Variants in CREB5 observed in about 807,000 individuals in gnomAD.
CREB5 encodes cyclic AMP-responsive element-binding protein 5.
A neutral mutation model predicts 57.1 loss-of-function variants in CREB5; 19 were observed. The ratio of observed to expected loss-of-function variants is 0.33; its 90% CI spans 0.23 to 0.49. The LOEUF (loss-of-function observed/expected upper bound fraction) is 0.49, where lower values mean the gene tolerates loss of function less well. CREB5 is among the 20% of genes least tolerant of loss of function. CREB5 has a pLI of 0.99. For synonymous variants in CREB5, 238 were observed against 238.3 expected (o/e 1.00, Z 0.01); for missense variants, 579 against 671.6 (o/e 0.86, Z 1.52).
chr7:28,751,886 A>G (rs1346483909), intron 7 of CREB5, among the ~76,000 whole-genome samples: 3 of 152,094 alleles, frequency 2.0e-5, no homozygotes, highest in Admixed American at 1.3e-4. Flanking sequence ...ACGATTTCTC[A>G]GTCTTCCTTT....
chr7:28,606,590 T>C (rs1797139592), intron 5 of CREB5, among the ~76,000 whole-genome samples: 1 of 152,228 alleles, frequency 6.6e-6, no homozygotes, highest in Non-Finnish European at 1.5e-5. Context: ...AACTGATTCC[T>C]ACTTAGCCCC....
chr7:28,491,492 A>G (rs1791808207), intron 2 of CREB5, among the ~76,000 whole-genome samples: 1 of 152,168 alleles, frequency 6.6e-6, no homozygotes, highest in Admixed American at 6.5e-5. Context: ...GAGAAGGCTG[A>G]ATGGACTGAG....
chr7:28,602,366 A>G (rs758217017), intron 5 of CREB5, among the ~76,000 whole-genome samples: 96 of 152,262 alleles, frequency 6.3e-4, no homozygotes, highest in Non-Finnish European at 6.0e-4. Context: ...ACCTCAGGTG[A>G]TCTGTCCACC....
chr7:28,421,444 G>A (rs1182716715), intron 1 of CREB5, among the ~76,000 whole-genome samples: 1 of 152,034 alleles, frequency 6.6e-6, no homozygotes, highest in East Asian at 1.9e-4. Flanking sequence ...TTCTTTAATG[G>A]TGATTTGTGA....
intron 1 of CREB5, among the ~76,000 whole-genome samples, chr7:28,377,400 A>C (rs1786854899): frequency 6.6e-6 from 1 of 152,042 alleles, no homozygotes; most frequent in Non-Finnish European, 1.5e-5. Context: ...TATTATTAAA[A>C]TTAATTTCAT....
chr7:28,770,380 C>A (rs1055240814), intron 7 of CREB5, among the ~76,000 whole-genome samples: 6 of 151,680 alleles, frequency 4.0e-5, no homozygotes, highest in Non-Finnish European at 7.4e-5. Flanking sequence ...AGAGAAACAA[C>A]AAAACCCAGA....
At chr7:28,789,700 A>C (rs1807550751) in intron 7 of CREB5, among the ~76,000 whole-genome samples, 4 of 152,194 alleles carry the variant, frequency 2.6e-5, no homozygotes, top group Admixed American at 2.6e-4. Context: ...ATTAGGATTC[A>C]AAGAGAAGTG....
intron 7 of CREB5, among the ~76,000 whole-genome samples, chr7:28,787,132 T>C (rs1807376231): frequency 6.6e-6 from 1 of 152,038 alleles, no homozygotes; most frequent in African/African-American, 2.4e-5. Context: ...ACAGCACCTG[T>C]CCCCAGCTGA....
intron 1 of CREB5, among the ~76,000 whole-genome samples, chr7:28,335,537 A>G (rs1785807529): frequency 6.6e-6 from 1 of 152,054 alleles, no homozygotes; most frequent in South Asian, 2.1e-4. Flanking sequence ...TAAGTTTTGT[A>G]CATTGATTTT....
In CREB5 at chr7:28,674,568, C is replaced by T. The variant is rs143390984; in HGVS notation, c.465-44185C>T. Among the ~76,000 whole-genome samples, 30 of 152,288 alleles carry T rather than the reference C, an allele frequency of 2.0e-4. No individual in the cohort carries two copies. In the East Asian group the frequency reaches 4.4e-3, roughly 23 times the overall value. On this transcript the variant is annotated intron_variant, in intron 5 of 10. Coordinates refer to ENST00000357727, the MANE Select transcript of CREB5 (RefSeq NM_182898.4). ...ATTGATTCCCATTGGATGTCTTCAGCGCAGACCAACCTGCTGAGCTCAGAT... is the reference window on the plus strand; with the variant it reads ...ATTGATTCCCATTGGATGTCTTCAGTGCAGACCAACCTGCTGAGCTCAGAT...
chr7:28,494,568 A>G (rs1448994601), intron 2 of CREB5, among the ~76,000 whole-genome samples: 1 of 152,218 alleles, frequency 6.6e-6, no homozygotes, highest in Non-Finnish European at 1.5e-5. Context: ...AAAAGTTCCC[A>G]GGGAAGGTAT....
rs1345805740 is a variant in CREB5 at position 28,560,817 on chromosome 7, T to TGC, written c.292-9547_292-9546insCG. 9.2e-4 allele frequency among the ~76,000 whole-genome samples: 87 copies of TGC among 94,734 alleles called. 10 individuals are homozygous for TGC. Among genetic ancestry groups the TGC allele is most frequent in the Non-Finnish European group, 1.8e-3 (79 of 43,072 alleles). The allele number at this position is 94,734 out of a possible 152,430, so 62.1% of individuals were successfully genotyped here. A position where few individuals can be genotyped will look rare whatever the true frequency, so the allele number is the denominator to read the frequency against. On this transcript the variant is annotated intron_variant, in intron 4 of 10. Transcript: ENST00000357727. ...TCCACAGTGTGTGTGCGCGTGTGTG[T>TGC]GTGTGCGCGCGCGCGCGTGTGTGTG...
intron 5 of CREB5, among the ~76,000 whole-genome samples, chr7:28,685,406 G>A (rs968764975): frequency 2.0e-5 from 3 of 152,130 alleles, no homozygotes; most frequent in South Asian, 4.1e-4. Context: ...TTTTGCCCTC[G>A]CTGACAGGGA....
At chr7:28,560,901 C>CGTGCGCGCGCGTGCGT (rs1368518820) in intron 4 of CREB5, among the ~76,000 whole-genome samples, 3 of 21,650 alleles carry the variant, frequency 1.4e-4, no homozygotes, top group Non-Finnish European at 2.8e-4. Context: ...TGTGTGCGTG[C>CGTGCGCGCGCGTGCGT]GCGCGTGCGT....
At chr7:28,662,241 T>G (rs561443236) in intron 5 of CREB5, among the ~76,000 whole-genome samples, 2 of 152,188 alleles carry the variant, frequency 1.3e-5, no homozygotes, top group Non-Finnish European at 2.9e-5. Flanking sequence ...CCAGCCTTGA[T>G]TTAAAAGGTG....
At chr7:28,716,809 T>C (rs1802714444) in intron 5 of CREB5, among the ~76,000 whole-genome samples, 1 of 152,148 alleles carries the variant, frequency 6.6e-6, no homozygotes, top group South Asian at 2.1e-4. Flanking sequence ...GCCATGGTAT[T>C]TTGGATCAAT....
At chr7:28,477,838 G>A (rs1187694508) in intron 1 of CREB5, among the ~76,000 whole-genome samples, 1 of 152,160 alleles carries the variant, frequency 6.6e-6, no homozygotes, top group Non-Finnish European at 1.5e-5. Context: ...TTATTAGCTG[G>A]GCATGGTGGC....
chr7:28,692,331 G>A (rs1320557159), intron 5 of CREB5, among the ~76,000 whole-genome samples: 4 of 151,956 alleles, frequency 2.6e-5, no homozygotes, highest in East Asian at 1.9e-4. Context: ...AGGTGGTGAC[G>A]CATGACTGTA....
At chr7:28,433,589 A>G (rs548652789) in intron 1 of CREB5, among the ~76,000 whole-genome samples, 1 of 152,280 alleles carries the variant, frequency 6.6e-6, no homozygotes, top group Non-Finnish European at 1.5e-5. Flanking sequence ...CTCCCACGTC[A>G]GCCTCTTGAG....
Sources: allele counts gnomAD v4.1 joint callset (sites outside exome capture counted in the v4.1 genomes callset), GRCh38; gene constraint gnomAD v4.1.1; transcripts MANE v1.5; gene names NCBI Gene and HGNC (gene_info 2026-07-23, HGNC 2026-07-21).